ZNF704: variants seen among roughly 807,000 people sequenced by gnomAD.
The protein encoded by ZNF704 is glucocorticoid induced gene 1.
A neutral mutation model predicts 44.7 loss-of-function variants in ZNF704; 10 were observed. The observed-to-expected ratio is 0.22, with a 90% CI of 0.14 to 0.38. The LOEUF is 0.38. ZNF704 is among the 10% of genes least tolerant of loss of function. The pLI is 1.00. For missense variants in ZNF704, 390 were observed against 545.5 expected (o/e 0.71, Z 2.84); for synonymous variants, 211 against 207.6 (o/e 1.02, Z -0.14).
intron 7 of ZNF704, among the ~76,000 whole-genome samples, chr8:80,644,059 G>A (rs1054521267): frequency 3.9e-5 from 6 of 152,124 alleles, no homozygotes; most frequent in East Asian, 3.9e-4. Flanking sequence ...GCCACCCACC[G>A]AACACTTACT....
At chr8:80,769,479 C>T (rs1434277422) in intron 2 of ZNF704, among the ~76,000 whole-genome samples, 3 of 152,012 alleles carry the variant, frequency 2.0e-5, no homozygotes, top group Non-Finnish European at 4.4e-5. Flanking sequence ...GAATGCTTTG[C>T]TGCTTAGAAA....
intron 2 of ZNF704, among the ~76,000 whole-genome samples, chr8:80,740,725 T>C (rs1806742377): frequency 6.6e-6 from 1 of 152,206 alleles, no homozygotes; most frequent in Non-Finnish European, 1.5e-5. Context: ...CAACTCTCAA[T>C]TCTTCTTTGC....
chr8:80,632,974 A>G lies in ZNF704; in HGVS notation c.*8392T>C, dbSNP rs376524593. 1.0e-4 allele frequency: 15 copies of G among 145,572 alleles called. No homozygotes were observed. The highest frequency in any genetic ancestry group is 4.3e-4 in the African/African-American group (15 of 35,108). 9.0% of individuals were successfully genotyped at this position (145,572 alleles called of 1,614,324 possible). On this transcript the variant is annotated 3_prime_UTR_variant, in exon 9 of 9. Transcript: ENST00000327835. The stretch of plus-strand genomic sequence containing the variant: ...TTTTGAGGCTCCTTCTAGCTCCACA[A>G]CCCAACTGCCTGTGAATGACTTTAC...
chr8:80,834,569 G>T (rs1808526377), intron 1 of ZNF704, among the ~76,000 whole-genome samples: 1 of 152,168 alleles, frequency 6.6e-6, no homozygotes, highest in South Asian at 2.1e-4. Context: ...GAACATGCAG[G>T]TTCGTTACAT....
At chr8:80,712,252 T>C (rs1585973857) in intron 2 of ZNF704, among the ~76,000 whole-genome samples, 1 of 152,202 alleles carries the variant, frequency 6.6e-6, no homozygotes, top group Non-Finnish European at 1.5e-5. Flanking sequence ...CGGCACTTTA[T>C]GACACAGCAA....
chr8:80,817,659 C>G (rs910480464), intron 2 of ZNF704, among the ~76,000 whole-genome samples: 1 of 152,128 alleles, frequency 6.6e-6, no homozygotes, highest in Non-Finnish European at 1.5e-5. Flanking sequence ...CTGAAACTAG[C>G]AACTTTAAAA....
intron 2 of ZNF704, among the ~76,000 whole-genome samples, chr8:80,761,442 A>G (rs1229380367): frequency 6.6e-6 from 1 of 152,176 alleles, no homozygotes; most frequent in East Asian, 1.9e-4. Flanking sequence ...TTTGGGCCAT[A>G]ATCCTGAAAG....
intron 7 of ZNF704, chr8:80,645,171 A>G: frequency 1.9e-6 from 3 of 1,592,650 alleles, no homozygotes; most frequent in South Asian, 2.3e-5. Context: ...TTTGTGCGAC[A>G]TGATCGCTCG....
At chr8:80,857,760 C>G (rs548785308) in intron 1 of ZNF704, among the ~76,000 whole-genome samples, 1 of 152,198 alleles carries the variant, frequency 6.6e-6, no homozygotes, top group South Asian at 2.1e-4. Context: ...CATCTTACTT[C>G]TTTTTTGTAA....
intron 2 of ZNF704, among the ~76,000 whole-genome samples, chr8:80,762,540 T>C (rs1264653611): frequency 2.6e-5 from 4 of 152,100 alleles, no homozygotes; most frequent in African/African-American, 4.8e-5. Context: ...CTGGTCCCAT[T>C]ATCTAATCAC....
intron 2 of ZNF704, among the ~76,000 whole-genome samples, chr8:80,731,204 T>A (rs184883121): frequency 6.6e-6 from 1 of 152,318 alleles, no homozygotes; most frequent in Non-Finnish European, 1.5e-5. Context: ...GGGATCTTGA[T>A]TGGTAGATTT....
At chr8:80,710,843 G>C (rs1029209450) in intron 2 of ZNF704, among the ~76,000 whole-genome samples, 1 of 152,124 alleles carries the variant, frequency 6.6e-6, no homozygotes, top group African/African-American at 2.4e-5. Context: ...CTAAGACAGC[G>C]GTTTTCTGTT....
intron 2 of ZNF704, among the ~76,000 whole-genome samples, chr8:80,745,784 C>T (rs1023600498): frequency 1.3e-5 from 2 of 152,138 alleles, no homozygotes; most frequent in African/African-American, 4.8e-5. Flanking sequence ...TATCAGATTA[C>T]AGCTGCAAAA....
chr8:80,680,399 G>C (rs1281767415), intron 4 of ZNF704, among the ~76,000 whole-genome samples: 2 of 151,322 alleles, frequency 1.3e-5, no homozygotes, highest in Non-Finnish European at 2.9e-5. Context: ...TGTGTGTGTG[G>C]TTTTGGAATG....
chr8:80,649,658 C>A (rs1442609196), intron 7 of ZNF704, among the ~76,000 whole-genome samples: 3 of 152,240 alleles, frequency 2.0e-5, no homozygotes, highest in Non-Finnish European at 4.4e-5. Flanking sequence ...GTAAACAAAG[C>A]AGCCAGGAAG....
At chr8:80,651,920 A>T (rs968577552) in intron 7 of ZNF704, among the ~76,000 whole-genome samples, 27 of 152,134 alleles carry the variant, frequency 1.8e-4, no homozygotes, top group African/African-American at 6.5e-4. Context: ...GTTGGAAGTA[A>T]AGCACTCCTC....
intron 2 of ZNF704, among the ~76,000 whole-genome samples, chr8:80,801,675 G>A (rs1205615052): frequency 6.6e-6 from 1 of 152,060 alleles, no homozygotes; most frequent in African/African-American, 2.4e-5. Flanking sequence ...AGTGTTAAGG[G>A]GGAAATTTAT....
chr8:80,811,003 G>A (rs1488663875), intron 2 of ZNF704, among the ~76,000 whole-genome samples: 1 of 152,156 alleles, frequency 6.6e-6, no homozygotes, highest in African/African-American at 2.4e-5. Flanking sequence ...TGTTAGAGTA[G>A]GAAAAGAGGG....
At chr8:80,857,604 A>G (rs1232659404) in intron 1 of ZNF704, among the ~76,000 whole-genome samples, 4 of 152,168 alleles carry the variant, frequency 2.6e-5, no homozygotes, top group African/African-American at 9.6e-5. Context: ...TGTATCATAC[A>G]TTTTATATCA....
Sources: allele counts gnomAD v4.1 joint callset (sites outside exome capture counted in the v4.1 genomes callset), GRCh38; gene constraint gnomAD v4.1.1; transcripts MANE v1.5; gene names NCBI Gene and HGNC (gene_info 2026-07-23, HGNC 2026-07-21).